The following PSMA1 variants were observed in gnomAD, a reference collection of about 807,000 sequenced individuals.
PSMA1 encodes the protein proteasome 20S subunit alpha 1.
Under a neutral mutation model 38.4 loss-of-function variants are expected in PSMA1, and 3 were observed. That is an observed-to-expected ratio of 0.08 (90% confidence interval 0.04 to 0.20). PSMA1 has a LOEUF of 0.20. Among genes scored for constraint, PSMA1 ranks in the 10% least tolerant of loss-of-function variants. The pLI is 1.00. For missense variants in PSMA1, 227 were observed against 325.3 expected (o/e 0.70, Z 2.32); for synonymous variants, 101 against 107.1 (o/e 0.94, Z 0.35).
intron 2 of PSMA1, among the ~76,000 whole-genome samples, chr11:14,594,444 C>T (rs1590003235): frequency 1.3e-5 from 2 of 152,114 alleles, no homozygotes; most frequent in Admixed American, 1.3e-4. Context: ...TTTACATTTC[C>T]ATCATGTCTA....
chr11:14,579,861 AC>A (rs1852262890), intron 2 of PSMA1, among the ~76,000 whole-genome samples: 1 of 152,096 alleles, frequency 6.6e-6, no homozygotes, highest in African/African-American at 2.4e-5. Context: ...CAAGCTACAC[AC>A]CCACATGTGT....
chr11:14,536,398 G>A (rs185699457), intron 2 of PSMA1, among the ~76,000 whole-genome samples: 14 of 151,608 alleles, frequency 9.2e-5, no homozygotes, highest in Non-Finnish European at 2.1e-4. Context: ...TTGGTGGTGA[G>A]CGCCTGTAAT....
intron 2 of PSMA1, among the ~76,000 whole-genome samples, chr11:14,574,017 C>T (rs1852181714): frequency 6.6e-6 from 1 of 152,062 alleles, no homozygotes; most frequent in Non-Finnish European, 1.5e-5. Context: ...TGTTCATATG[C>T]ATGAACAAAG....
intron 1 of PSMA1, among the ~76,000 whole-genome samples, chr11:14,630,792 T>C (rs1402146649): frequency 1.3e-5 from 2 of 152,168 alleles, no homozygotes; most frequent in Non-Finnish European, 2.9e-5. Flanking sequence ...ATCCATCTGG[T>C]CCTGGACTCT....
chr11:14,568,513 C>T (rs770600989), intron 2 of PSMA1, among the ~76,000 whole-genome samples: 1 of 152,216 alleles, frequency 6.6e-6, no homozygotes, highest in Non-Finnish European at 1.5e-5. Flanking sequence ...TCTTTTCCTG[C>T]TGAACTCAGA....
At chr11:14,563,753 T>C (rs1158348577) in intron 2 of PSMA1, among the ~76,000 whole-genome samples, 1 of 152,220 alleles carries the variant, frequency 6.6e-6, no homozygotes, top group African/African-American at 2.4e-5. Context: ...AAGACTTTGT[T>C]GTCTTTTCCT....
intron 2 of PSMA1, among the ~76,000 whole-genome samples, chr11:14,598,816 G>T (rs1852538815): frequency 6.6e-6 from 1 of 151,722 alleles, no homozygotes; most frequent in Admixed American, 6.6e-5. Context: ...CTCATTATTT[G>T]ATGCAGTTTA....
chr11:14,590,938 G>A (rs1288482814), intron 2 of PSMA1, among the ~76,000 whole-genome samples: 2 of 152,244 alleles, frequency 1.3e-5, no homozygotes, highest in African/African-American at 2.4e-5. Flanking sequence ...CGCTCTAGGC[G>A]CCTCCTCTGC....
chr11:14,540,060 G>A (rs1040432602), intron 2 of PSMA1, among the ~76,000 whole-genome samples: 2 of 152,156 alleles, frequency 1.3e-5, no homozygotes, highest in Non-Finnish European at 2.9e-5. Flanking sequence ...TAACATAAAA[G>A]GGGCACTCTG....
intron 2 of PSMA1, among the ~76,000 whole-genome samples, chr11:14,552,470 C>T (rs1438116208): frequency 1.3e-5 from 2 of 152,160 alleles, no homozygotes; most frequent in Non-Finnish European, 2.9e-5. Flanking sequence ...GATTGTCACA[C>T]ATAGTACATC....
At chr11:14,580,219 A>T (rs1438845572) in intron 2 of PSMA1, among the ~76,000 whole-genome samples, 2 of 152,316 alleles carry the variant, frequency 1.3e-5, no homozygotes, top group East Asian at 3.9e-4. Context: ...GCTGGCTTCT[A>T]CCTACTATTT....
intron 1 of PSMA1, among the ~76,000 whole-genome samples, chr11:14,616,143 A>G (rs1852769647): frequency 6.6e-6 from 1 of 152,104 alleles, no homozygotes; most frequent in African/African-American, 2.4e-5. Context: ...GCCAAGAACT[A>G]TAAACAAAAG....
rs532567313 is a variant in PSMA1 at position 14,598,568 on chromosome 11, C to A, written c.21+12398G>T. Among the ~76,000 whole-genome samples the A allele has an allele frequency of 3.6e-5, 5 of 139,878 alleles. No individual in the cohort carries two copies. The East Asian group carries it at 8.3e-4, about 23-fold the overall frequency. 91.8% of individuals were successfully genotyped at this position (139,878 alleles called of 152,430 possible). A position where few individuals can be genotyped will look rare whatever the true frequency, so the allele number is the denominator to read the frequency against. ...GTTTTATCAGAGACTAGGATTGCAA[C>A]CCCTGCTTTTTTTTTTCCATTTGCT... is the stretch of plus-strand genomic sequence containing the variant. On this transcript the variant is annotated intron_variant, in intron 2 of 10. Transcript: ENST00000418988.
At chr11:14,542,624 T>C (rs1207895143) in intron 2 of PSMA1, among the ~76,000 whole-genome samples, 2 of 152,198 alleles carry the variant, frequency 1.3e-5, no homozygotes, top group Non-Finnish European at 2.9e-5. Context: ...TGAGGTGTTT[T>C]ATTAAAGAGT....
At chr11:14,548,833 C>T (rs1202405390) in intron 2 of PSMA1, among the ~76,000 whole-genome samples, 1 of 152,148 alleles carries the variant, frequency 6.6e-6, no homozygotes, top group Non-Finnish European at 1.5e-5. Flanking sequence ...TTTTGACCTA[C>T]TTTCCCTCAC....
intron 9 of PSMA1, among the ~76,000 whole-genome samples, chr11:14,506,211 G>GA (rs1851242989): frequency 1.3e-5 from 2 of 152,096 alleles, no homozygotes; most frequent in African/African-American, 4.8e-5. Context: ...TCACATTTCT[G>GA]AAAACCTAAA....
At chr11:14,589,992 A>G (rs1852391904) in intron 2 of PSMA1, among the ~76,000 whole-genome samples, 1 of 152,246 alleles carries the variant, frequency 6.6e-6, no homozygotes, top group South Asian at 2.1e-4. Context: ...GTCTAAACAT[A>G]CTATGAAATA....
chr11:14,508,571 A>AAAAAAAAAAAAAAAAG (rs1190465759), intron 8 of PSMA1, among the ~76,000 whole-genome samples: 1 of 149,572 alleles, frequency 6.7e-6, no homozygotes, highest in Non-Finnish European at 1.5e-5. Flanking sequence ...CAAAAAAAAA[A>AAAAAAAAAAAAAAAAG]AAAAAACCCA....
At chr11:14,575,248 T>A (rs761303996) in intron 2 of PSMA1, among the ~76,000 whole-genome samples, 26 of 152,232 alleles carry the variant, frequency 1.7e-4, no homozygotes, top group African/African-American at 3.1e-4. Context: ...TTTTAAATTT[T>A]AAAAAAATTT....
Sources: gnomAD v4.1 joint callset for allele counts (sites outside exome capture counted in the v4.1 genomes callset) on GRCh38, gnomAD v4.1.1 for gene constraint, MANE v1.5 for transcripts, NCBI Gene and HGNC (gene_info 2026-07-23, HGNC 2026-07-21) for gene names.